C4orf50: variants seen among roughly 807,000 people sequenced by gnomAD.
C4orf50 encodes the protein uncharacterized protein C4orf50.
In C4orf50, 80 loss-of-function variants were observed where a neutral mutation model predicts 77.2. That is an observed-to-expected ratio of 1.04 (90% confidence interval 0.87 to 1.25). The LOEUF is 1.25. C4orf50 is among the 50% of genes most tolerant of loss of function. The probability of loss-of-function intolerance (pLI) is 0.00; values close to 1 mark genes in which losing one functional copy is unlikely to be tolerated. For missense variants in C4orf50, 1,257 were observed against 1,152.9 expected (o/e 1.09, Z -1.31); for synonymous variants, 532 against 465.3 (o/e 1.14, Z -1.84).
chr4:5,929,941 G>C (rs1478666564), intron 7 of C4orf50, among the ~76,000 whole-genome samples: 1 of 151,170 alleles, frequency 6.6e-6, no homozygotes, highest in South Asian at 2.1e-4. Flanking sequence ...CTCTACTAGA[G>C]ATGCCAAGTT....
Position 5,921,845 on chromosome 4 carries a change from G to A in C4orf50, c.*2475-23657C>T, listed in dbSNP as rs937821342. On this transcript the variant is annotated intron_variant, in intron 7 of 7. Transcript: ENST00000324058. Reference sequence around the variant, plus strand: ...TCTGACGGCCGGTGCTGGGAGGTGAGGAAATGGGGCCAGGGAAAGCTGTGA... The same window carrying A: ...TCTGACGGCCGGTGCTGGGAGGTGAAGAAATGGGGCCAGGGAAAGCTGTGA... Among the ~76,000 whole-genome samples the A allele has an allele frequency of 5.3e-5, 8 of 152,300 alleles. No individual in the cohort carries two copies. In the East Asian group the frequency reaches 1.5e-3, roughly 29 times the overall value.
rs1722746121 is a variant in C4orf50 at position 6,018,024 on chromosome 4, CGT to C, written c.287+119_287+120del. The C allele has an allele frequency of 2.5e-6, 1 of 397,382 alleles. No homozygotes were observed. The highest frequency in any genetic ancestry group is 4.4e-5 in the Admixed American group (1 of 22,704). 24.6% of individuals were successfully genotyped at this position (397,382 alleles called of 1,614,324 possible). ...GGCAAGTGACTGCGTGGGCAGGTTA[CGT>C]GTCTTTGGTGAGCCAGTTTCCCCAG... is the stretch of plus-strand genomic sequence containing the variant. On this transcript the variant is annotated intron_variant, in intron 23 of 33. Coordinates refer to ENST00000531445, the Ensembl canonical transcript of C4orf50. This position sits in a 1 kb window ranked among gnomAD's most constrained non-coding sequence, Gnocchi z 5.1.
At chr4:5,939,642 G>T (rs1269250600) in intron 7 of C4orf50, among the ~76,000 whole-genome samples, 2 of 152,102 alleles carry the variant, frequency 1.3e-5, no homozygotes, top group African/African-American at 4.8e-5. Context: ...TTTGGAATGT[G>T]GCAAACGTCT....
intron 7 of C4orf50, among the ~76,000 whole-genome samples, chr4:5,922,724 G>T (rs73210711): frequency 1.3e-4 from 20 of 152,294 alleles, no homozygotes; most frequent in African/African-American, 4.1e-4. Flanking sequence ...AGCCTGCAGC[G>T]GCCCTCGTGG....
chr4:5,971,542 C>T (rs1719916833), intron 31 of C4orf50, among the ~76,000 whole-genome samples: 1 of 152,188 alleles, frequency 6.6e-6, no homozygotes, highest in Non-Finnish European at 1.5e-5. Flanking sequence ...GAAGCGTGTC[C>T]AGGCCCAGAA....
chr4:5,969,914 G>C (rs1234978451), intron 31 of C4orf50, among the ~76,000 whole-genome samples: 1 of 152,080 alleles, frequency 6.6e-6, no homozygotes, highest in East Asian at 1.9e-4. Flanking sequence ...TCCATCTGTG[G>C]AGTGGACCCC....
intron 33 of C4orf50, 88 bp downstream of exon 11, chr4:5,964,936 T>A: frequency 7.6e-7 from 1 of 1,314,448 alleles, no homozygotes; most frequent in Non-Finnish European, 1.1e-6. Flanking sequence ...TGGGTGTATA[T>A]CGCTTGGATA....
intron 25 of C4orf50, among the ~76,000 whole-genome samples, chr4:5,995,081 C>T (rs1402995036): frequency 6.6e-6 from 1 of 152,232 alleles, no homozygotes; most frequent in East Asian, 1.9e-4. Context: ...GAAACCAGTC[C>T]CTGGTGCCAA....
rs59927572 is a variant in C4orf50, at chr4:5,950,732, G to C, written c.*2474+6169C>G. ...CCCGTTTTTCTTCCCTCACGACATC[G>C]ATCAGGACTTGAAATTACACAATAT... On this transcript the variant is annotated intron_variant, in intron 7 of 7. Coordinates refer to the C4orf50 transcript ENST00000324058. 2.1e-3 allele frequency among the ~76,000 whole-genome samples: 322 copies of C among 152,084 alleles called. 1 individual carries two copies. The highest frequency in any genetic ancestry group is 7.1e-3 in the African/African-American group (293 of 41,472).
At chr4:5,938,738 C>T (rs928098612) in intron 7 of C4orf50, among the ~76,000 whole-genome samples, 2 of 152,054 alleles carry the variant, frequency 1.3e-5, no homozygotes, top group Admixed American at 6.5e-5. Flanking sequence ...ATTCTTCTCT[C>T]CCATTTCAAA....
chr4:5,965,733 C>A (rs957116769), intron 32 of C4orf50, among the ~76,000 whole-genome samples: 3 of 152,146 alleles, frequency 2.0e-5, no homozygotes, highest in Admixed American at 6.5e-5. Context: ...CATCCTGAGG[C>A]GTCAAAGACT....
chr4:6,015,253 G>T lies in C4orf50; in HGVS notation c.287+2892C>A, dbSNP rs1722639898. On this transcript the variant is annotated intron_variant, in intron 23 of 33. Transcript: ENST00000531445. The surrounding 1 kb of genome is among the most constrained non-coding windows in gnomAD (Gnocchi z 4.4). ...TTTCAAAGAGGCAATTAAGTTGAAA[G>T]AAAGTCATGAGCGTGGGCCCAGATC... Among the ~76,000 whole-genome samples the T allele has an allele frequency of 6.6e-6, 1 of 152,140 alleles. No individual in the cohort carries two copies. The highest frequency in any genetic ancestry group is 6.5e-5 in the Admixed American group (1 of 15,276).
intron 33 of C4orf50, among the ~76,000 whole-genome samples, chr4:5,960,467 G>A (rs1013819021): frequency 3.3e-5 from 5 of 152,226 alleles, no homozygotes; most frequent in Non-Finnish European, 5.9e-5. Context: ...AAGAGCAGCC[G>A]CAGGTTTGCA....
chr4:6,005,277 A>T (rs73795161), intron 25 of C4orf50, among the ~76,000 whole-genome samples: 31,275 of 152,148 alleles, frequency 0.21, 4,015 homozygotes, highest in East Asian at 0.61. Flanking sequence ...TTGATGGGCA[A>T]TTTAGGGAGC....
At chr4:5,944,065 T>C (rs567474717) in intron 7 of C4orf50, among the ~76,000 whole-genome samples, 4 of 152,314 alleles carry the variant, frequency 2.6e-5, no homozygotes, top group South Asian at 4.1e-4. Context: ...TCTTGCCACA[T>C]GTCTCTGACA....
chr4:5,918,448 T>C lies in C4orf50; in HGVS notation c.*2475-20260A>G, dbSNP rs116721600. On this transcript the variant is annotated intron_variant, in intron 7 of 7. Transcript: ENST00000324058. ...ACCTTTGGAAATAAAAACAACCCAA[T>C]GTCCTCCCACAGTTAAGGATTTGCA... Among the ~76,000 whole-genome samples, 651 of 152,276 alleles carry C rather than the reference T, an allele frequency of 4.3e-3. 1 individual carries two copies. Among genetic ancestry groups the C allele is most frequent in the African/African-American group, 0.015 (622 of 41,574 alleles).
At chr4:5,933,864 G>C (rs1408637484) in intron 7 of C4orf50, among the ~76,000 whole-genome samples, 1 of 152,138 alleles carries the variant, frequency 6.6e-6, no homozygotes, top group Non-Finnish European at 1.5e-5. Flanking sequence ...AGCCAATGTG[G>C]GGGTCCTGGT....
chr4:5,940,626 CCT>C (rs1456007611), intron 7 of C4orf50, among the ~76,000 whole-genome samples: 1 of 152,236 alleles, frequency 6.6e-6, no homozygotes, highest in Non-Finnish European at 1.5e-5. Context: ...ATCCCTCCCA[CCT>C]CTGTGTGCAC....
At chr4:5,974,553 AGAGG>A (rs1720144404) in intron 30 of C4orf50, among the ~76,000 whole-genome samples, 1 of 152,210 alleles carries the variant, frequency 6.6e-6, no homozygotes, top group African/African-American at 2.4e-5. Flanking sequence ...CTGAGGCCCC[AGAGG>A]GAGGATGACT....
Sources: allele counts gnomAD v4.1 joint callset (sites outside exome capture counted in the v4.1 genomes callset), GRCh38; gene constraint gnomAD v4.1.1; non-coding constraint Gnocchi (gnomAD v3.1); transcripts MANE v1.5; gene names NCBI Gene and HGNC (gene_info 2026-07-23, HGNC 2026-07-21).